SLC8A2: variants seen among roughly 807,000 people sequenced by gnomAD.
SLC8A2 encodes solute carrier family 8 member A2, also known as sodium/calcium exchanger 2.
A neutral mutation model predicts 70.2 loss-of-function variants in SLC8A2; 14 were observed. The observed-to-expected ratio is 0.20, with a 90% CI of 0.13 to 0.31. The LOEUF is 0.31. Among genes scored for constraint, SLC8A2 ranks in the 10% least tolerant of loss-of-function variants. The pLI, the probability that SLC8A2 is intolerant of heterozygous loss-of-function variation, is 1.00. For synonymous variants in SLC8A2, 575 were observed against 594.3 expected (o/e 0.97, Z 0.47); for missense variants, 779 against 1,320.1 (o/e 0.59, Z 6.35).
In SLC8A2 at chr19:47,437,358, C is replaced by T. The variant is rs868789462; in HGVS notation, c.2110+104G>A. On this transcript the variant is annotated intron_variant, in intron 8 of 9. Coordinates refer to ENST00000236877, the MANE Select transcript of SLC8A2 (RefSeq NM_015063.3). ...GATTCCAGGCATGAGCCACCGCGCC[C>T]GGCCTGTTTATCTTTGTGCCTGTCT... is the stretch of plus-strand genomic sequence containing the variant. The T allele has an allele frequency of 4.7e-5, 41 of 871,668 alleles. No homozygotes were observed. In the African/African-American group the frequency reaches 4.8e-4, roughly 10 times the overall value. The allele number at this position is 871,668 out of a possible 1,614,324, so 54.0% of individuals were successfully genotyped here. A position where few individuals can be genotyped will look rare whatever the true frequency, so the allele number is the denominator to read the frequency against.
intron 4 of SLC8A2, among the ~76,000 whole-genome samples, chr19:47,445,645 CTAAT>C (rs1967151756): frequency 6.6e-6 from 1 of 152,166 alleles, no homozygotes; most frequent in East Asian, 1.9e-4. Context: ...TCCCTAAACA[CTAAT>C]TAGCCTCCTG....
At chr19:47,459,203 G>T (rs118187949) in intron 2 of SLC8A2, among the ~76,000 whole-genome samples, 1 of 148,086 alleles carries the variant, frequency 6.8e-6, no homozygotes, top group African/African-American at 2.5e-5. Context: ...TCTCCATCTC[G>T]TTCTCTCTCT....
rs1232235210 is a variant in SLC8A2 at position 47,429,898 on chromosome 19, G to A, written c.*191C>T. The A allele has an allele frequency of 2.1e-5, 13 of 617,352 alleles. No individual in the cohort carries two copies. The highest frequency in any genetic ancestry group is 2.1e-4 in the African/African-American group (11 of 52,582). The allele number at this position is 617,352 out of a possible 1,614,324, so 38.2% of individuals were successfully genotyped here. A position where few individuals can be genotyped will look rare whatever the true frequency, so the allele number is the denominator to read the frequency against. On this transcript the variant is annotated 3_prime_UTR_variant, in exon 10 of 10. Coordinates refer to ENST00000236877, the MANE Select transcript of SLC8A2 (RefSeq NM_015063.3). ...GAGGAACCGGGGAGGCTCCCGAGAGGAAGAGGGAAGGCTGAGCTACTGGGG... is the reference window on the plus strand; with the variant it reads ...GAGGAACCGGGGAGGCTCCCGAGAGAAAGAGGGAAGGCTGAGCTACTGGGG...
rs1179140086 is a variant in SLC8A2 at position 47,468,122 on chromosome 19, C to A, written c.-16-1703G>T. On this transcript the variant is annotated intron_variant, in intron 1 of 9. Transcript: ENST00000236877. This position sits in a 1 kb window ranked among gnomAD's most constrained non-coding sequence, Gnocchi z 5.1. Reference sequence around the variant, plus strand: ...CAGCACCAGCGTCCTCTCCAGGGCCCGTGAGGTCCTGCCCAACCTGGCCCC... The same window carrying A: ...CAGCACCAGCGTCCTCTCCAGGGCCAGTGAGGTCCTGCCCAACCTGGCCCC... Among the ~76,000 whole-genome samples the A allele has an allele frequency of 1.3e-5, 2 of 151,892 alleles. No individual in the cohort carries two copies. The highest frequency in any genetic ancestry group is 2.9e-5 in the Non-Finnish European group (2 of 67,964).
chr19:47,450,071 C>T (rs1967216627), intron 3 of SLC8A2, among the ~76,000 whole-genome samples: 2 of 152,088 alleles, frequency 1.3e-5, no homozygotes, highest in African/African-American at 2.4e-5. Context: ...TGGACTCTTC[C>T]TGGCAGGGCT....
chr19:47,452,435 AGAGAGAGAGAGTGTGT>A (rs1257750434), intron 3 of SLC8A2, among the ~76,000 whole-genome samples: 74 of 94,910 alleles, frequency 7.8e-4, no homozygotes, highest in East Asian at 1.3e-3. Flanking sequence ...AGAGAGAGAG[AGAGAGAGAGAGTGTGT>A]GTGTGTGTGT....
rs1568448114 is a variant in SLC8A2 at position 47,465,845 on chromosome 19, C to T, written c.559G>A (p.Gly187Ser). ...IAVCIYVIPAGESRKIKHLRV... is the reference protein window; with the variant it reads ...IAVCIYVIPASESRKIKHLRV... ...AGGTGCTTGATCTTGCGGCTCTCGC[C>T]GGCTGGGATGACGTAGATGCACACG... Residue 187 changes from glycine (G) to serine (S), a missense_variant, in exon 2 of 10, where the codon GGC (glycine) becomes AGC (serine). Coordinates refer to ENST00000236877, the MANE Select transcript of SLC8A2 (RefSeq NM_015063.3). This position sits in a 1 kb window ranked among gnomAD's most constrained non-coding sequence, Gnocchi z 5.5. The T allele has an allele frequency of 3.1e-6, 5 of 1,614,154 alleles. No individual in the cohort carries two copies. Among genetic ancestry groups the T allele is most frequent in the Non-Finnish European group, 4.2e-6 (5 of 1,180,030 alleles).
At chr19:47,446,005 C>A (rs563401541) in intron 4 of SLC8A2, among the ~76,000 whole-genome samples, 5 of 152,282 alleles carry the variant, frequency 3.3e-5, no homozygotes, top group Admixed American at 3.3e-4. Context: ...GGACAGACAG[C>A]TGCAGATGAA....
rs890319555 is a variant in SLC8A2 at position 47,447,717 on chromosome 19, G to A, written c.1763+92C>T. On this transcript the variant is annotated intron_variant, in intron 4 of 9. Transcript: ENST00000236877. This position sits in a 1 kb window ranked among gnomAD's most constrained non-coding sequence, Gnocchi z 5.1. ...CAACCAAGACCCGCCCACTATGTGGGCATGGCTCACCCAGGCCCCGCCCCT... is the reference window on the plus strand; with the variant it reads ...CAACCAAGACCCGCCCACTATGTGGACATGGCTCACCCAGGCCCCGCCCCT... 1.5e-6 allele frequency: 2 copies of A among 1,316,792 alleles called. No homozygotes were observed. The highest frequency in any genetic ancestry group is 2.0e-6 in the Non-Finnish European group (2 of 1,000,168). The allele number at this position is 1,316,792 out of a possible 1,614,324, so 81.6% of individuals were successfully genotyped here.
chr19:47,436,603 C>G (rs1967031782), intron 8 of SLC8A2, among the ~76,000 whole-genome samples: 2 of 152,180 alleles, frequency 1.3e-5, no homozygotes, highest in African/African-American at 4.8e-5. Flanking sequence ...CCTTCAGTCC[C>G]CAAGAGCTGG....
At chr19:47,435,378 A>G (rs1967013932) in intron 8 of SLC8A2, among the ~76,000 whole-genome samples, 1 of 151,948 alleles carries the variant, frequency 6.6e-6, no homozygotes, top group South Asian at 2.1e-4. Flanking sequence ...GGTCTCTACG[A>G]CCGCCACCTC....
rs1474540154 is a variant in SLC8A2, at chr19:47,468,691, C to T, written c.-16-2272G>A. Among the ~76,000 whole-genome samples, 3 of 152,196 alleles carry T rather than the reference C, an allele frequency of 2.0e-5. No individual in the cohort carries two copies. Among genetic ancestry groups the T allele is most frequent in the Non-Finnish European group, 4.4e-5 (3 of 68,030 alleles). On this transcript the variant is annotated intron_variant, in intron 1 of 9. Coordinates refer to ENST00000236877, the MANE Select transcript of SLC8A2 (RefSeq NM_015063.3). The surrounding 1 kb of genome is among the most constrained non-coding windows in gnomAD (Gnocchi z 5.1). Reference sequence around the variant, plus strand: ...CCCCATCCAAAATGACACCCTCCCCCTCTGGGGAGCACCCCTCCATTCCAC... The same window carrying T: ...CCCCATCCAAAATGACACCCTCCCCTTCTGGGGAGCACCCCTCCATTCCAC...
In SLC8A2 at chr19:47,430,244, C is replaced by T; in HGVS notation, c.2611G>A (p.Ala871Thr). The change falls in exon 10 of 10, where the codon GCC (alanine) becomes ACC (threonine). Residue 871 changes from alanine (A) to threonine (T), a missense_variant. Around this residue, in one of 6 missense-constraint regions of SLC8A2, gnomAD observed 108 missense variants for 269.6 expected, o/e 0.40. Transcript: ENST00000236877. This position sits in a 1 kb window ranked among gnomAD's most constrained non-coding sequence, Gnocchi z 5.9. ...GGCCGGCGCCGGTACAGCAGCACGGCAATGCCCACGAAGGCGAAGACGGTG... is the reference window on the plus strand; with the variant it reads ...GGCCGGCGCCGGTACAGCAGCACGGTAATGCCCACGAAGGCGAAGACGGTG... ...LFTVFAFVGI[A>T]VLLYRRRPHI... is the part of the protein sequence containing the mutation. 1.2e-6 allele frequency: 2 copies of T among 1,611,698 alleles called. No homozygotes were observed. The highest frequency in any genetic ancestry group is 1.7e-6 in the Non-Finnish European group (2 of 1,178,900).
At chr19:47,457,808 T>TCC (rs55639627) in intron 2 of SLC8A2, among the ~76,000 whole-genome samples, 57,999 of 147,054 alleles carry the variant, frequency 0.39, 14,279 homozygotes, top group Non-Finnish European at 0.53. Context: ...CTTCCTTCCT[T>TCC]TCTTCCTTCT....
intron 3 of SLC8A2, among the ~76,000 whole-genome samples, chr19:47,451,925 G>A (rs1368978646): frequency 6.6e-6 from 1 of 152,166 alleles, no homozygotes; most frequent in Non-Finnish European, 1.5e-5. Context: ...GATTTGACAG[G>A]GAAATGCAAT....
In SLC8A2 at chr19:47,466,276, C is replaced by A; in HGVS notation, c.128G>T (p.Cys43Phe). ...ANDSDTSTGG[C>F]QGSYRCQPGV... Reference sequence around the variant, plus strand: ...CGGCTGGCAGCGGTAGGACCCCTGGCAGCCCCCTGTGCTGGTGTCGCTGTC... The same window carrying A: ...CGGCTGGCAGCGGTAGGACCCCTGGAAGCCCCCTGTGCTGGTGTCGCTGTC... The change falls in exon 2 of 10, where the codon TGC becomes TTC. Residue 43 changes from cysteine (C) to phenylalanine (F), a missense_variant. By Grantham distance (205) the Cys-to-Phe change is radical. Around this residue, in one of 6 missense-constraint regions of SLC8A2, gnomAD observed 65 missense variants for 61.3 expected, o/e 1.06. Transcript: ENST00000236877. The surrounding 1 kb of genome is among the most constrained non-coding windows in gnomAD (Gnocchi z 6.9). 1 of 1,562,348 alleles carries A rather than the reference C, an allele frequency of 6.4e-7. No individual in the cohort carries two copies. The highest frequency in any genetic ancestry group is 8.7e-7 in the Non-Finnish European group (1 of 1,152,210).
intron 2 of SLC8A2, among the ~76,000 whole-genome samples, chr19:47,462,617 T>G (rs1967409767): frequency 7.1e-6 from 1 of 141,836 alleles, no homozygotes; most frequent in South Asian, 2.3e-4. Context: ...AGATGGAGTC[T>G]CACTCTGTCA....
At chr19:47,438,866 CA>C (rs1297478412) in intron 6 of SLC8A2, among the ~76,000 whole-genome samples, 1 of 152,186 alleles carries the variant, frequency 6.6e-6, no homozygotes, top group Non-Finnish European at 1.5e-5. Context: ...ACCTCAGTCC[CA>C]ACTCCCAACT....
rs540355852 is a variant in SLC8A2 at position 47,435,482 on chromosome 19, C to T, written c.2110+1980G>A. On this transcript the variant is annotated intron_variant, in intron 8 of 9. Transcript: ENST00000236877. ...GCTCAAAGAGCCCCTTGCCATCTCC[C>T]CGTTGTTCGTGGAATGAACCTCAAA... Among the ~76,000 whole-genome samples the T allele has an allele frequency of 3.2e-3, 479 of 151,928 alleles. 3 individuals are homozygous for T. The highest frequency in any genetic ancestry group is 5.8e-3 in the Non-Finnish European group (395 of 67,976).
Sources: allele counts gnomAD v4.1 joint callset (sites outside exome capture counted in the v4.1 genomes callset), GRCh38; gene constraint gnomAD v4.1.1; regional missense constraint gnomAD v4.1.1; non-coding constraint Gnocchi (gnomAD v3.1); transcripts MANE v1.5; gene names NCBI Gene and HGNC (gene_info 2026-07-23, HGNC 2026-07-21).